WASF2: variants seen among roughly 807,000 people sequenced by gnomAD.
WASF2 encodes WASP family member 2.
In WASF2, 14 loss-of-function variants were observed where a neutral mutation model predicts 45.0. The observed-to-expected ratio is 0.31, with a 90% CI of 0.21 to 0.49. The LOEUF (loss-of-function observed/expected upper bound fraction) is 0.49. Among genes scored for constraint, WASF2 ranks in the 20% least tolerant of loss-of-function variants. The pLI is 0.99. For synonymous variants in WASF2, 200 were observed against 236.3 expected (o/e 0.85, Z 1.41); for missense variants, 439 against 636.1 (o/e 0.69, Z 3.33).
At chr1:27,481,645 G>A (rs1351449539) in intron 1 of WASF2, among the ~76,000 whole-genome samples, 1 of 151,568 alleles carries the variant, frequency 6.6e-6, no homozygotes, top group East Asian at 2.0e-4. Context: ...AGCAGGGAGG[G>A]CGTGCACAGA....
intron 4 of WASF2, among the ~76,000 whole-genome samples, chr1:27,417,400 A>G (rs1381587618): frequency 6.6e-6 from 1 of 152,174 alleles, no homozygotes; most frequent in Admixed American, 6.5e-5. Flanking sequence ...CATGTACTTT[A>G]TATCTGTGTG....
intron 1 of WASF2, among the ~76,000 whole-genome samples, chr1:27,484,748 G>A (rs901182384): frequency 6.7e-6 from 1 of 149,288 alleles, no homozygotes; most frequent in Non-Finnish European, 1.5e-5. Flanking sequence ...GGAGGCGGAG[G>A]TTGCAGTTAG....
At chr1:27,439,723 G>A (rs2017182621) in intron 1 of WASF2, among the ~76,000 whole-genome samples, 1 of 152,190 alleles carries the variant, frequency 6.6e-6, no homozygotes, top group African/African-American at 2.4e-5. Flanking sequence ...ACTGGGGCTG[G>A]GTGCAGTGGC....
intron 1 of WASF2, among the ~76,000 whole-genome samples, chr1:27,442,990 CAAAAAAAAAAAAA>C: frequency 1.6e-5 from 1 of 64,196 alleles, no homozygotes; most frequent in South Asian, 5.2e-4. Context: ...GACTCTGTCT[CAAAAAAAAAAAAA>C]AAAAAAAAAA....
At chr1:27,489,399 C>T (rs1329639367) in intron 1 of WASF2, among the ~76,000 whole-genome samples, 1 of 99,788 alleles carries the variant, frequency 1.0e-5, no homozygotes, top group African/African-American at 4.3e-5. Context: ...ACAGTGTCCT[C>T]CTCAATTTAG....
At chr1:27,487,571 TAATA>T (rs1437501975) in intron 1 of WASF2, among the ~76,000 whole-genome samples, 10 of 99,962 alleles carry the variant, frequency 1.0e-4, no homozygotes, top group Non-Finnish European at 1.6e-4. Flanking sequence ...ATACAATATA[TAATA>T]TATATTATAT....
Position 27,480,237 on chromosome 1 carries a change from C to T in WASF2, c.-44+9749G>A, listed in dbSNP as rs117020064. On this transcript the variant is annotated intron_variant, in intron 1 of 8. Coordinates refer to ENST00000618852, the MANE Select transcript of WASF2 (RefSeq NM_006990.5). ...AACTTTTTAAACTGAGTACTTATGG[C>T]CGGGTGTGGAGGCTCATGTCTGTAA... 9.6e-4 allele frequency among the ~76,000 whole-genome samples: 146 copies of T among 152,216 alleles called. No individual in the cohort carries two copies. In the East Asian group the frequency reaches 0.027, roughly 28 times the overall value.
intron 2 of WASF2, among the ~76,000 whole-genome samples, chr1:27,420,804 T>A (rs1340729365): frequency 6.6e-6 from 1 of 152,042 alleles, no homozygotes; most frequent in Non-Finnish European, 1.5e-5. Context: ...ATTACATGCA[T>A]GAGCCACCAC....
chr1:27,408,013 T>G lies in WASF2; in HGVS notation c.*176A>C. ...AGGGCCTGAAAATGGGGAGAGGAAA[T>G]ACATGTTGACTTGGAGGAAGCACTT... On this transcript the variant is annotated 3_prime_UTR_variant, in exon 9 of 9. Coordinates refer to ENST00000618852, the MANE Select transcript of WASF2 (RefSeq NM_006990.5). 1.5e-6 allele frequency: 1 copy of G among 669,172 alleles called. No homozygotes were observed. The highest frequency in any genetic ancestry group is 2.4e-6 in the Non-Finnish European group (1 of 423,742). The allele number at this position is 669,172 out of a possible 1,614,324, so 41.5% of individuals were successfully genotyped here.
At chr1:27,454,183 A>T (rs1213956698) in intron 1 of WASF2, among the ~76,000 whole-genome samples, 60 of 8,466 alleles carry the variant, frequency 7.1e-3, no homozygotes, top group South Asian at 0.021. Flanking sequence ...ATATATATAT[A>T]TATATTTTTT....
chr1:27,473,145 C>T (rs964996728), intron 1 of WASF2, among the ~76,000 whole-genome samples: 3 of 151,688 alleles, frequency 2.0e-5, no homozygotes, highest in Admixed American at 6.6e-5. Flanking sequence ...GGACAAATAA[C>T]CCAATTTTAA....
rs931136606 is a variant in WASF2, at chr1:27,432,608, A to G, written c.-43-3675T>C. On this transcript the variant is annotated intron_variant, in intron 1 of 8. Transcript: ENST00000618852. ...GCTTGCAGTGAGCCAAGATCGCGCCACTGCACTCCAGCCTGGGCGACAGAG... is the reference window on the plus strand; with the variant it reads ...GCTTGCAGTGAGCCAAGATCGCGCCGCTGCACTCCAGCCTGGGCGACAGAG... Among the ~76,000 whole-genome samples, 10 of 124,480 alleles carry G rather than the reference A, an allele frequency of 8.0e-5. 1 individual carries two copies. Among genetic ancestry groups the G allele is most frequent in the Non-Finnish European group, 1.1e-4 (7 of 62,898 alleles). The allele number at this position is 124,480 out of a possible 152,430, so 81.7% of individuals were successfully genotyped here.
intron 1 of WASF2, among the ~76,000 whole-genome samples, chr1:27,448,826 A>G (rs2017343753): frequency 6.8e-6 from 1 of 146,060 alleles, no homozygotes; most frequent in African/African-American, 2.6e-5. Context: ...TGGGTGAAAG[A>G]GAGAGACCTC....
chr1:27,459,132 A>G (rs1379184626), intron 1 of WASF2, among the ~76,000 whole-genome samples: 2 of 152,104 alleles, frequency 1.3e-5, no homozygotes, highest in Non-Finnish European at 2.9e-5. Context: ...CTAAAAAAAA[A>G]AAAAAGTTTC....
intron 1 of WASF2, among the ~76,000 whole-genome samples, chr1:27,473,255 C>T (rs1457896583): frequency 2.0e-5 from 3 of 151,494 alleles, no homozygotes; most frequent in Admixed American, 2.0e-4. Flanking sequence ...CCGAGGCGGG[C>T]GGATCACGAG....
At chr1:27,467,445 C>T (rs1294523783) in intron 1 of WASF2, among the ~76,000 whole-genome samples, 5 of 149,606 alleles carry the variant, frequency 3.3e-5, no homozygotes, top group Admixed American at 1.3e-4. Flanking sequence ...GGACTACAGG[C>T]ACCTGCCACC....
chr1:27,422,181 C>A (rs547521899), intron 2 of WASF2, among the ~76,000 whole-genome samples: 1 of 152,102 alleles, frequency 6.6e-6, no homozygotes, highest in East Asian at 1.9e-4. Context: ...TTACACAGAA[C>A]CTCAACATAT....
rs147486286 is a variant in WASF2, at chr1:27,441,431, C to T, written c.-43-12498G>A. On this transcript the variant is annotated intron_variant, in intron 1 of 8. Coordinates refer to ENST00000618852, the MANE Select transcript of WASF2 (RefSeq NM_006990.5). ...TCACTTGAGGTCAGGAATTCGAGACCAGCTTGGCCAACAGAGTGAAACCCT... is the reference window on the plus strand; with the variant it reads ...TCACTTGAGGTCAGGAATTCGAGACTAGCTTGGCCAACAGAGTGAAACCCT... Among the ~76,000 whole-genome samples the T allele has an allele frequency of 9.8e-3, 1,470 of 149,360 alleles. 12 individuals carry two copies. The highest frequency in any genetic ancestry group is 0.018 in the Middle Eastern group (5 of 280).
At chr1:27,453,557 A>T (rs2148126235) in intron 1 of WASF2, among the ~76,000 whole-genome samples, 1 of 141,750 alleles carries the variant, frequency 7.1e-6, no homozygotes, top group African/African-American at 2.7e-5. Context: ...ACTCCACTGC[A>T]CTCCAACCTG....
Sources: allele counts gnomAD v4.1 joint callset (sites outside exome capture counted in the v4.1 genomes callset), GRCh38; gene constraint gnomAD v4.1.1; transcripts MANE v1.5; gene names NCBI Gene and HGNC (gene_info 2026-07-23, HGNC 2026-07-21).